ABTB3: variants seen among roughly 807,000 people sequenced by gnomAD.
ABTB3 encodes the protein ankyrin repeat- and BTB/POZ domain-containing protein 3.
the ABTB3 span, among the ~76,000 whole-genome samples, chr12:107,371,062 G>A: frequency 1.3e-5 from 2 of 151,674 alleles, no homozygotes. Context: ...TGCTGGCATA[G>A]CCCATCAGAA....
the ABTB3 span, among the ~76,000 whole-genome samples, chr12:107,579,002 G>C: frequency 1.3e-5 from 2 of 152,230 alleles, no homozygotes; most frequent in Admixed American, 1.3e-4. Context: ...TCCCTGCCCT[G>C]GTGGAGTTTA....
chr12:107,541,937 A>AG, the ABTB3 span, among the ~76,000 whole-genome samples: 1 of 151,144 alleles, frequency 6.6e-6, no homozygotes, highest in Non-Finnish European at 1.5e-5. Flanking sequence ...AAAAAAAAAA[A>AG]CCTTCTTTAT....
chr12:107,612,822 G>T, the ABTB3 span: 1 of 1,613,982 alleles, frequency 6.2e-7, no homozygotes, highest in Non-Finnish European at 8.5e-7. Context: ...TGGGGACGAG[G>T]CGATGGTTCA....
the ABTB3 span, chr12:107,581,139 C>T: frequency 6.5e-7 from 1 of 1,545,840 alleles, no homozygotes; most frequent in Non-Finnish European, 8.7e-7. Context: ...CCGGGTCCCT[C>T]CTCCCACCGC....
At chr12:107,576,417 C>T in the ABTB3 span, among the ~76,000 whole-genome samples, 1 of 152,290 alleles carries the variant, frequency 6.6e-6, no homozygotes, top group East Asian at 1.9e-4. Context: ...CCTCCAAGGC[C>T]GCTCTTCTTG....
the ABTB3 span, among the ~76,000 whole-genome samples, chr12:107,420,508 A>G: frequency 6.6e-6 from 1 of 152,186 alleles, no homozygotes; most frequent in Non-Finnish European, 1.5e-5. Context: ...TATCATGAGA[A>G]CAGCACGGGT....
chr12:107,465,409 A>G, the ABTB3 span, among the ~76,000 whole-genome samples: 1 of 151,982 alleles, frequency 6.6e-6, no homozygotes, highest in Non-Finnish European at 1.5e-5. Flanking sequence ...TCTGCTTACA[A>G]CTGTGTTCCT....
At chr12:107,472,275 G>C in the ABTB3 span, among the ~76,000 whole-genome samples, 1 of 152,158 alleles carries the variant, frequency 6.6e-6, no homozygotes, top group Non-Finnish European at 1.5e-5. Context: ...AAGGCTTCTT[G>C]GATCTAGGAA....
chr12:107,370,854 A>G, the ABTB3 span, among the ~76,000 whole-genome samples: 1 of 142,332 alleles, frequency 7.0e-6, no homozygotes, highest in Non-Finnish European at 1.5e-5. Context: ...CTGAGCCTTG[A>G]AGGGCTGTCA....
chr12:107,569,361 C>T, the ABTB3 span, among the ~76,000 whole-genome samples: 4 of 152,144 alleles, frequency 2.6e-5, no homozygotes, highest in Non-Finnish European at 5.9e-5. Context: ...GTGTTTCTGA[C>T]TCTTAGAATG....
the ABTB3 span, among the ~76,000 whole-genome samples, chr12:107,372,641 C>A: frequency 6.6e-6 from 1 of 152,196 alleles, no homozygotes; most frequent in Non-Finnish European, 1.5e-5. Context: ...TCCTGCCACA[C>A]CTGAAGATAC....
chr12:107,637,813 T>TGTGG, the ABTB3 span, among the ~76,000 whole-genome samples: 1 of 151,200 alleles, frequency 6.6e-6, no homozygotes, highest in African/African-American at 2.4e-5. Context: ...TGTGTGTGTG[T>TGTGG]GTGTGTGTGT....
At chr12:107,364,999 A>G in the ABTB3 span, among the ~76,000 whole-genome samples, 1 of 152,156 alleles carries the variant, frequency 6.6e-6, no homozygotes, top group Admixed American at 6.5e-5. Context: ...CTCTGTACAC[A>G]GTACATAGCA....
At chr12:107,429,092 GT>G in the ABTB3 span, among the ~76,000 whole-genome samples, 1 of 152,240 alleles carries the variant, frequency 6.6e-6, no homozygotes, top group East Asian at 1.9e-4. Flanking sequence ...TGTGAGGTGA[GT>G]GTGAAGGTTG....
chr12:107,468,525 A>G, the ABTB3 span, among the ~76,000 whole-genome samples: 3 of 152,126 alleles, frequency 2.0e-5, no homozygotes, highest in Non-Finnish European at 4.4e-5. Flanking sequence ...AAAACAAACA[A>G]TGCTGCTTCA....
the ABTB3 span, among the ~76,000 whole-genome samples, chr12:107,411,623 G>A: frequency 6.6e-6 from 1 of 152,174 alleles, no homozygotes; most frequent in African/African-American, 2.4e-5. Context: ...CTCAGAGCAG[G>A]AGGACTATGA....
chr12:107,607,602 A>G, the ABTB3 span, among the ~76,000 whole-genome samples: 2 of 152,276 alleles, frequency 1.3e-5, no homozygotes, highest in East Asian at 3.9e-4. Context: ...CCTGACGTTT[A>G]GGTCCTGAGA....
chr12:107,395,018 G>T, the ABTB3 span, among the ~76,000 whole-genome samples: 4 of 152,184 alleles, frequency 2.6e-5, no homozygotes, highest in African/African-American at 9.7e-5. Flanking sequence ...TGGCCCACCT[G>T]CATACCTGGC....
chr12:107,558,899 GC>G, the ABTB3 span, among the ~76,000 whole-genome samples: 1 of 152,142 alleles, frequency 6.6e-6, no homozygotes, highest in South Asian at 2.1e-4. Flanking sequence ...TGGACGTTGA[GC>G]CCCAGCACTG....
Sources: gnomAD v4.1 joint callset for allele counts (sites outside exome capture counted in the v4.1 genomes callset) on GRCh38, gnomAD v4.1.1 for gene constraint, MANE v1.5 for transcripts, NCBI Gene and HGNC (gene_info 2026-07-23, HGNC 2026-07-21) for gene names.